NDUFS1: variants seen among roughly 807,000 people sequenced by gnomAD.
NDUFS1 encodes NADH:ubiquinone oxidoreductase core subunit S1.
In NDUFS1, 61 loss-of-function variants were observed where a neutral mutation model predicts 84.4. That is an observed-to-expected ratio of 0.72 (90% CI 0.59 to 0.89). The LOEUF is 0.89. NDUFS1 is among the 40% of genes least tolerant of loss of function. The pLI is 0.00. For synonymous variants in NDUFS1, 275 were observed against 290.0 expected, an observed-to-expected ratio of 0.95 and a Z score of 0.53; for missense variants, 891 against 890.0, an observed-to-expected ratio of 1.00 and a Z score of -0.01.
chr2:206,158,764 T>G (rs1687780021), intron 1 of NDUFS1, among the ~76,000 whole-genome samples: 1 of 152,252 alleles, frequency 6.6e-6, no homozygotes, highest in South Asian at 2.1e-4. Context: ...GTAAACAACG[T>G]TTTGTTATTT....
intron 13 of NDUFS1, among the ~76,000 whole-genome samples, chr2:206,133,474 A>C (rs1691592446): frequency 6.6e-6 from 1 of 152,246 alleles, no homozygotes; most frequent in African/African-American, 2.4e-5. Context: ...ACTATGCTTA[A>C]GTATCATGCC....
intron 14 of NDUFS1, among the ~76,000 whole-genome samples, chr2:206,130,865 CATG>C (rs1163371202): frequency 3.3e-5 from 5 of 152,020 alleles, no homozygotes; most frequent in African/African-American, 4.8e-5. Flanking sequence ...AGACATAAAA[CATG>C]ATAAGTCATA....
At chr2:206,145,152 T>C in intron 8 of NDUFS1, 126 bp from the exon 9 acceptor site, 5 of 927,028 alleles carry the variant, frequency 5.4e-6, no homozygotes, top group Non-Finnish European at 7.9e-6. Context: ...AAATGAAGCT[T>C]AGAGGAACTG....
At position 206,139,246 on chromosome 2, in the gene NDUFS1, C is replaced by T. The variant is rs578080398; in HGVS notation, c.1263-632G>A. 7.6e-4 allele frequency among the ~76,000 whole-genome samples: 115 copies of T among 152,076 alleles called. 2 individuals are homozygous for T. The South Asian group carries it at 0.017, about 23-fold the overall frequency. On this transcript the variant is annotated intron_variant, in intron 12 of 18. Coordinates refer to ENST00000233190, the MANE Select transcript of NDUFS1 (RefSeq NM_005006.7). The stretch of plus-strand genomic sequence containing the variant: ...TGTCACCCAGGCTGGAGTGCTGTGG[C>T]GCAATCTCGACTCACTGCAAGCTCC...
In NDUFS1 at chr2:206,126,496, C is replaced by A. The variant is rs770339444; in HGVS notation, c.2092+43G>T. ...ACCAAATGAGGTGATCTGATTACTTCTTACCTTTCGTATTTGGCAGAGTCA... is the reference window on the plus strand; with the variant it reads ...ACCAAATGAGGTGATCTGATTACTTATTACCTTTCGTATTTGGCAGAGTCA... On this transcript the variant is annotated intron_variant, in intron 18 of 18. Coordinates refer to ENST00000233190, the MANE Select transcript of NDUFS1 (RefSeq NM_005006.7). The A allele has an allele frequency of 3.8e-6, 6 of 1,563,202 alleles. No individual in the cohort carries two copies. In the South Asian group the frequency reaches 6.7e-5, roughly 17 times the overall value.
chr2:206,151,773 A>G (rs1031176622), intron 3 of NDUFS1, among the ~76,000 whole-genome samples: 1 of 152,250 alleles, frequency 6.6e-6, no homozygotes, highest in African/African-American at 2.4e-5. Context: ...CAGAAAGGTT[A>G]TATGAAAATG....
intron 9 of NDUFS1, 38 bp from the exon 10 acceptor site, chr2:206,144,170 A>G (rs748224186): frequency 3.5e-5 from 51 of 1,456,582 alleles, no homozygotes; most frequent in Middle Eastern, 1.7e-4. Context: ...GAATCTTGCT[A>G]AAGAAGTAAC....
At chr2:206,136,097 C>G (rs974107499) in intron 13 of NDUFS1, among the ~76,000 whole-genome samples, 4 of 151,510 alleles carry the variant, frequency 2.6e-5, no homozygotes, top group Non-Finnish European at 5.9e-5. Flanking sequence ...GTCACCCAGG[C>G]TGGAGTCCAA....
intron 12 of NDUFS1, among the ~76,000 whole-genome samples, 154 bp from the exon 13 acceptor site, chr2:206,138,768 C>T (rs1389399796): frequency 6.6e-6 from 1 of 152,156 alleles, no homozygotes; most frequent in Non-Finnish European, 1.5e-5. Flanking sequence ...CCTTTCAAAA[C>T]AGTGTTGCAA....
chr2:206,148,973 A>G, intron 5 of NDUFS1, 47 bp downstream of exon 5: 3 of 1,418,496 alleles, frequency 2.1e-6, no homozygotes, highest in Non-Finnish European at 3.0e-6. Flanking sequence ...AAAATGTGCA[A>G]TTTTCTGCTT....
rs1691807943 is a variant in NDUFS1, at chr2:206,138,481, G to C, written c.1392+4C>G. On this transcript the variant is annotated splice_donor_region_variant and intron_variant, in intron 13 of 18. Transcript: ENST00000233190. ...AAGAGTAGATACACATAAGTTGAGAGCACCTGGCTAAATGGATGGCTTCCC... is the reference window on the plus strand; with the variant it reads ...AAGAGTAGATACACATAAGTTGAGACCACCTGGCTAAATGGATGGCTTCCC... 1 of 1,613,660 alleles carries C rather than the reference G, an allele frequency of 6.2e-7. No individual in the cohort carries two copies. The highest frequency in any genetic ancestry group is 8.5e-7 in the Non-Finnish European group (1 of 1,179,586).
Position 206,142,708 on chromosome 2 carries a change from C to T in NDUFS1, c.1111G>A (p.Val371Ile). 6.2e-7 allele frequency: 1 copy of T among 1,614,190 alleles called. No homozygotes were observed. Among genetic ancestry groups the T allele is most frequent in the Non-Finnish European group, 8.5e-7 (1 of 1,180,032 alleles). Residue 371 changes from valine to isoleucine, a missense_variant, in exon 11 of 19, where the codon GTC becomes ATC. Coordinates refer to ENST00000233190, the MANE Select transcript of NDUFS1 (RefSeq NM_005006.7). ...VDSDTLCTEE[V>I]FPTAGAGTDL... ...CACCCAGCTCCTGCAGTGGGGAAGA[C>T]CTCTTCAGTGCATAAGGTGTCAGAG...
intron 12 of NDUFS1, among the ~76,000 whole-genome samples, chr2:206,140,943 T>C (rs113203195): frequency 0.02 from 2,711 of 136,046 alleles, 58 homozygotes; most frequent in Non-Finnish European, 0.023. Context: ...TATATATATA[T>C]ACACACACAC....
chr2:206,154,480 A>G (rs1416898098), intron 1 of NDUFS1, among the ~76,000 whole-genome samples: 1 of 152,250 alleles, frequency 6.6e-6, no homozygotes, highest in African/African-American at 2.4e-5. Context: ...AAAGATAATT[A>G]TCCAAAGTGT....
rs962731121 is a variant in NDUFS1, at chr2:206,134,248, G to A, written c.1393-1143C>T. Among the ~76,000 whole-genome samples, 7 of 152,184 alleles carry A rather than the reference G, an allele frequency of 4.6e-5. No homozygotes were observed. In the East Asian group the frequency reaches 9.6e-4, roughly 21 times the overall value. Reference sequence around the variant, plus strand: ...CTTAAAAACTCAAAGAAGCAACACTGTAGAGTATTATATAGTAAGGAGATT... The same window carrying A: ...CTTAAAAACTCAAAGAAGCAACACTATAGAGTATTATATAGTAAGGAGATT... On this transcript the variant is annotated intron_variant, in intron 13 of 18. Coordinates refer to ENST00000233190, the MANE Select transcript of NDUFS1 (RefSeq NM_005006.7).
At chr2:206,159,149 A>C (rs1293401340) in intron 1 of NDUFS1, 192 bp downstream of exon 1, 1 of 1,535,670 alleles carries the variant, frequency 6.5e-7, no homozygotes, top group Non-Finnish European at 8.7e-7. Context: ...TTTCTGCTTC[A>C]TCAGACCAGA....
chr2:206,115,611 A>G lies in NDUFS1; in HGVS notation c.*8574T>C. The G allele has an allele frequency of 7.8e-6, 2 of 257,628 alleles. No individual in the cohort carries two copies. The highest frequency in any genetic ancestry group is 4.6e-5 in the South Asian group (1 of 21,688). The allele number at this position is 257,628 out of a possible 1,614,324, so 16.0% of individuals were successfully genotyped here. ...TTTGCTGTACAGCTGTTGCTTCACT[A>G]TATAAAAACAGCACCAGCAAATGCA... On this transcript the variant is annotated 3_prime_UTR_variant, in exon 19 of 19. Coordinates refer to ENST00000233190, the MANE Select transcript of NDUFS1 (RefSeq NM_005006.7).
intron 1 of NDUFS1, among the ~76,000 whole-genome samples, chr2:206,155,236 G>A (rs910570529): frequency 1.3e-5 from 2 of 149,226 alleles, no homozygotes; most frequent in Non-Finnish European, 3.0e-5. Context: ...CTCCTGCCTT[G>A]GCTTCCTGAG....
Position 206,121,399 on chromosome 2 carries a change from T to G in NDUFS1, c.*2786A>C, listed in dbSNP as rs942443289. On this transcript the variant is annotated 3_prime_UTR_variant, in exon 19 of 19. Transcript: ENST00000233190. Reference sequence around the variant, plus strand: ...TATTTGGCATTACGACACTAATATGTGCCCATGAGACAGACGGAGCACTAC... The same window carrying G: ...TATTTGGCATTACGACACTAATATGGGCCCATGAGACAGACGGAGCACTAC... 6.6e-5 allele frequency: 10 copies of G among 152,188 alleles called. No homozygotes were observed. The highest frequency in any genetic ancestry group is 3.9e-4 in the Admixed American group (6 of 15,262). 9.4% of individuals were successfully genotyped at this position (152,188 alleles called of 1,614,324 possible).
Sources: gnomAD v4.1 joint callset for allele counts (sites outside exome capture counted in the v4.1 genomes callset) on GRCh38, gnomAD v4.1.1 for gene constraint, MANE v1.5 for transcripts, NCBI Gene and HGNC (gene_info 2026-07-23, HGNC 2026-07-21) for gene names.